RBL1: variants seen among roughly 807,000 people sequenced by gnomAD.
RBL1 encodes the protein RB transcriptional corepressor like 1, also known as retinoblastoma-like protein 1.
A neutral mutation model predicts 123.0 loss-of-function variants in RBL1; 82 were observed. The observed-to-expected ratio is 0.67, with a 90% CI of 0.56 to 0.80. The LOEUF is 0.80. Ranked by LOEUF, RBL1 falls within the 30% of genes least tolerant of loss-of-function variation. RBL1 has a pLI of 0.00. For synonymous variants in RBL1, 405 were observed against 441.3 expected, an observed-to-expected ratio of 0.92 and a Z score of 1.03; for missense variants, 1,171 against 1,299.6, an observed-to-expected ratio of 0.90 and a Z score of 1.52.
Position 36,998,858 on chromosome 20 carries a change from A to G in RBL1, c.3108T>C (p.Asp1036=), listed in dbSNP as rs774718129. ...GTTTGGCAGGGGATTCTGCATCACT[A>G]TCGATGGCTATTACTCGCTTCTTGG... ...QRTKKRVIAI[D]SDAESPAKRV... Residue 1036 remains aspartate (D), a synonymous_variant, in exon 22 of 22, where the codon GAT becomes GAC. Transcript: ENST00000373664. 5 of 1,613,184 alleles carry G rather than the reference A, an allele frequency of 3.1e-6. No homozygotes were observed. Among genetic ancestry groups the G allele is most frequent in the Non-Finnish European group, 3.4e-6 (4 of 1,179,260 alleles).
At chr20:37,042,097 T>C (rs984406966) in intron 13 of RBL1, among the ~76,000 whole-genome samples, 5 of 139,148 alleles carry the variant, frequency 3.6e-5, no homozygotes, top group African/African-American at 1.3e-4. Context: ...AAAAAGAAAG[T>C]GAAAAGACAA....
At chr20:37,002,703 TTAGAG>T (rs2064008408) in intron 21 of RBL1, among the ~76,000 whole-genome samples, 1 of 150,460 alleles carries the variant, frequency 6.6e-6, no homozygotes, top group South Asian at 2.1e-4. Flanking sequence ...ATCTTCTTCC[TTAGAG>T]TAATGATTTT....
At position 37,077,830 on chromosome 20, in the gene RBL1, T is replaced by G. The variant is rs549659833; in HGVS notation, c.291-9644A>C. ...TTCTCTTACATAACCAAAGTACAAT[T>G]ATCAAAATCAGAAAATTTTACATTG... is the stretch of plus-strand genomic sequence containing the variant. On this transcript the variant is annotated intron_variant, in intron 2 of 21. Coordinates refer to ENST00000373664, the MANE Select transcript of RBL1 (RefSeq NM_002895.5). Among the ~76,000 whole-genome samples the G allele has an allele frequency of 2.6e-5, 4 of 151,830 alleles. 1 individual carries two copies. The highest frequency in any genetic ancestry group is 2.1e-4 in the South Asian group (1 of 4,798).
intron 21 of RBL1, among the ~76,000 whole-genome samples, chr20:37,001,771 GAAAAAAA>G: frequency 9.1e-6 from 1 of 109,618 alleles, no homozygotes; most frequent in South Asian, 3.1e-4. Context: ...AAAAAAAATG[GAAAAAAA>G]AAAAAAAAGA....
chr20:37,013,689 T>G (rs2064203082), intron 19 of RBL1, among the ~76,000 whole-genome samples: 1 of 152,204 alleles, frequency 6.6e-6, no homozygotes, highest in African/African-American at 2.4e-5. Flanking sequence ...ATAATAATGT[T>G]AAGGCTAAAA....
intron 1 of RBL1, among the ~76,000 whole-genome samples, chr20:37,092,173 T>C (rs1383705531): frequency 6.6e-6 from 1 of 152,058 alleles, no homozygotes; most frequent in African/African-American, 2.4e-5. Flanking sequence ...AGGCCCTTTT[T>C]TTGTCTCAAA....
chr20:37,005,137 G>A (rs565356230), intron 20 of RBL1, among the ~76,000 whole-genome samples: 5 of 151,730 alleles, frequency 3.3e-5, no homozygotes, highest in African/African-American at 4.8e-5. Flanking sequence ...GGCTGGGCGC[G>A]GTGGCTCATG....
chr20:37,045,929 C>G (rs1190818185), intron 12 of RBL1, among the ~76,000 whole-genome samples: 1 of 152,022 alleles, frequency 6.6e-6, no homozygotes, highest in East Asian at 1.9e-4. Context: ...CTAAATCATG[C>G]CAAGAAGCGT....
chr20:37,067,535 G>A (rs1462516707), intron 3 of RBL1, among the ~76,000 whole-genome samples: 7 of 151,908 alleles, frequency 4.6e-5, no homozygotes, highest in East Asian at 3.9e-4. Context: ...CTGGGAGGCC[G>A]AGGTGGGTAG....
intron 13 of RBL1, among the ~76,000 whole-genome samples, chr20:37,043,153 T>TGCGCGCGTGCACACACAC (rs1405956520): frequency 4.5e-5 from 5 of 111,678 alleles, no homozygotes; most frequent in Non-Finnish European, 9.3e-5. Context: ...TACACACACA[T>TGCGCGCGTGCACACACAC]GCGCGCGTGC....
In RBL1 at chr20:37,067,910, C is replaced by T. The variant is rs1486558721; in HGVS notation, c.491+76G>A. The T allele has an allele frequency of 5.5e-6, 8 of 1,467,766 alleles. No individual in the cohort carries two copies. In the Admixed American group the frequency reaches 1.2e-4, roughly 22 times the overall value. The allele number at this position is 1,467,766 out of a possible 1,614,324, so 90.9% of individuals were successfully genotyped here. A position where few individuals can be genotyped will look rare whatever the true frequency, so the allele number is the denominator to read the frequency against. On this transcript the variant is annotated intron_variant, in intron 3 of 21. Coordinates refer to ENST00000373664, the MANE Select transcript of RBL1 (RefSeq NM_002895.5). ...TTGCAGGAATACTTTTCATAAAAAACAGACTTTCAAAAAAGTATATTCTCT... is the reference window on the plus strand; with the variant it reads ...TTGCAGGAATACTTTTCATAAAAAATAGACTTTCAAAAAAGTATATTCTCT...
At chr20:37,035,716 T>G (rs2064600336) in intron 14 of RBL1, among the ~76,000 whole-genome samples, 1 of 152,188 alleles carries the variant, frequency 6.6e-6, no homozygotes, top group South Asian at 2.1e-4. Flanking sequence ...TTATGATCAC[T>G]CATCTTCCTG....
intron 19 of RBL1, among the ~76,000 whole-genome samples, chr20:37,011,938 C>T (rs1342824735): frequency 6.6e-6 from 1 of 152,210 alleles, no homozygotes; most frequent in African/African-American, 2.4e-5. Flanking sequence ...CGAAGCTGGA[C>T]TGTACTGCTG....
intron 9 of RBL1, 131 bp from the exon 10 acceptor site, chr20:37,056,389 C>CT: frequency 7.9e-7 from 1 of 1,264,206 alleles, no homozygotes. Flanking sequence ...GAGTCTCGCT[C>CT]TGTAACCCAG....
intron 2 of RBL1, among the ~76,000 whole-genome samples, chr20:37,073,754 T>C (rs185742932): frequency 2.1e-5 from 3 of 144,170 alleles, no homozygotes; most frequent in African/African-American, 7.8e-5. Context: ...TGTGGCAGCA[T>C]GTACCTGTAG....
chr20:36,999,332 G>A (rs2063925449), intron 21 of RBL1, among the ~76,000 whole-genome samples: 2 of 149,330 alleles, frequency 1.3e-5, no homozygotes, highest in Non-Finnish European at 3.0e-5. Flanking sequence ...AGCCTGGGGA[G>A]GTTGAAGCTG....
At chr20:37,041,540 C>G (rs1166934959) in intron 13 of RBL1, among the ~76,000 whole-genome samples, 1 of 152,092 alleles carries the variant, frequency 6.6e-6, no homozygotes, top group East Asian at 1.9e-4. Flanking sequence ...CCAGCCTGGT[C>G]TCGAACGCTT....
chr20:37,090,233 C>T (rs904134635), intron 1 of RBL1, among the ~76,000 whole-genome samples: 1 of 152,184 alleles, frequency 6.6e-6, no homozygotes, highest in African/African-American at 2.4e-5. Flanking sequence ...CTATATTAAA[C>T]AGCCTAGGTG....
At chr20:37,068,272 G>C (rs2065216154) in intron 2 of RBL1, 86 bp from the exon 3 acceptor site, 2 of 1,459,984 alleles carry the variant, frequency 1.4e-6, no homozygotes, top group East Asian at 5.0e-5. Flanking sequence ...TCATGACTAA[G>C]ACTCTTTATT....
Sources: gnomAD v4.1 joint callset for allele counts (sites outside exome capture counted in the v4.1 genomes callset) on GRCh38, gnomAD v4.1.1 for gene constraint, MANE v1.5 for transcripts, NCBI Gene and HGNC (gene_info 2026-07-23, HGNC 2026-07-21) for gene names.